The following NSD2 variants were observed in gnomAD, a reference collection of about 807,000 sequenced individuals.
NSD2 encodes histone-lysine N-methyltransferase NSD2.
NSD2 carries 12 observed loss-of-function variants against 139.0 expected under a neutral mutation model. That is an observed-to-expected ratio of 0.09 (90% CI 0.06 to 0.14). The LOEUF (loss-of-function observed/expected upper bound fraction) is 0.14. Among genes scored for constraint, NSD2 ranks in the 10% least tolerant of loss-of-function variants. The pLI, the probability that NSD2 is intolerant of heterozygous loss-of-function variation, is 1.00. For synonymous variants in NSD2, 669 were observed against 648.7 expected, an observed-to-expected ratio of 1.03 and a Z score of -0.48; for missense variants, 1,155 against 1,745.0, an observed-to-expected ratio of 0.66 and a Z score of 6.02.
intron 1 of NSD2, among the ~76,000 whole-genome samples, chr4:1,891,269 C>T (rs1715519230): frequency 6.6e-6 from 1 of 152,092 alleles, no homozygotes; most frequent in Non-Finnish European, 1.5e-5. Flanking sequence ...ATATTTCAGG[C>T]AGACTAGTGT....
At chr4:1,957,224 A>G (rs1468920920) in intron 15 of NSD2, among the ~76,000 whole-genome samples, 1 of 151,156 alleles carries the variant, frequency 6.6e-6, no homozygotes, top group Admixed American at 6.6e-5. Context: ...GCTTGAGCCT[A>G]TGGTTAATCT....
At chr4:1,970,903 C>G (rs1183198738) in intron 18 of NSD2, among the ~76,000 whole-genome samples, 1 of 152,170 alleles carries the variant, frequency 6.6e-6, no homozygotes, top group Admixed American at 6.5e-5. Context: ...GGCTGAAAGC[C>G]CATAGAAACA....
Position 1,950,793 on chromosome 4 carries a change from C to G in NSD2, c.1882-279C>G, listed in dbSNP as rs531123092. Among the ~76,000 whole-genome samples, 13 of 152,320 alleles carry G rather than the reference C, an allele frequency of 8.5e-5. No homozygotes were observed. The East Asian group carries it at 2.5e-3, about 29-fold the overall frequency. ...AGCAAATTGGATGTTCATAACACTT[C>G]CTTCATTTTAAGGAATATGCCTCTT... On this transcript the variant is annotated intron_variant, in intron 9 of 21. Transcript: ENST00000508803.
At chr4:1,904,503 A>C in intron 3 of NSD2, 125 bp downstream of exon 3, 1 of 1,021,982 alleles carries the variant, frequency 9.8e-7, no homozygotes, top group Non-Finnish European at 1.4e-6. Context: ...CTTTACCTAA[A>C]GTTAGTGATT....
intron 7 of NSD2, 52 bp from the exon 8 acceptor site, chr4:1,938,399 T>A: frequency 7.8e-7 from 1 of 1,284,324 alleles, no homozygotes. Context: ...TTTTTTTCTT[T>A]TCTTTTTTTT....
At chr4:1,951,962 C>T (rs1161483904) in intron 10 of NSD2, 146 bp from the exon 11 acceptor site, 12 of 1,279,372 alleles carry the variant, frequency 9.4e-6, no homozygotes, top group South Asian at 4.7e-5. Flanking sequence ...TTGGGCCAGA[C>T]GTTTGCCCAT....
Position 1,948,558 on chromosome 4 carries a change from G to A in NSD2, c.1882-2514G>A, listed in dbSNP as rs1723880723. On this transcript the variant is annotated intron_variant, in intron 9 of 21. Transcript: ENST00000508803. This position sits in a 1 kb window ranked among gnomAD's most constrained non-coding sequence, Gnocchi z 4.5. ...GTCTGTCCGGTGGCTGGGAGGGGGT[G>A]TGGTGGGAAAAAGTCGGAATCTCTG... The A allele has an allele frequency of 4.7e-6, 5 of 1,064,458 alleles. No individual in the cohort carries two copies. Among genetic ancestry groups the A allele is most frequent in the Non-Finnish European group, 5.7e-6 (5 of 877,836 alleles). 65.9% of individuals were successfully genotyped at this position (1,064,458 alleles called of 1,614,324 possible).
At chr4:1,969,810 T>G (rs911122741) in intron 18 of NSD2, among the ~76,000 whole-genome samples, 3 of 152,202 alleles carry the variant, frequency 2.0e-5, no homozygotes, top group Non-Finnish European at 4.4e-5. Flanking sequence ...AAAGTTATAC[T>G]CTAATATTCA....
chr4:1,925,616 C>T (rs1720793338), intron 5 of NSD2, among the ~76,000 whole-genome samples: 1 of 151,386 alleles, frequency 6.6e-6, no homozygotes, highest in African/African-American at 2.4e-5. Flanking sequence ...CCAGGCTGGT[C>T]TTGAACTCCT....
chr4:1,919,761 G>A (rs575479147), intron 5 of NSD2, among the ~76,000 whole-genome samples: 35 of 151,886 alleles, frequency 2.3e-4, no homozygotes, highest in African/African-American at 3.4e-4. Flanking sequence ...ATGAAACCCC[G>A]TCTCTACTAA....
intron 9 of NSD2, chr4:1,944,863 C>T (rs1723456944): frequency 9.4e-7 from 1 of 1,063,364 alleles, no homozygotes; most frequent in Non-Finnish European, 1.1e-6. Context: ...AGTTACATCT[C>T]AGTGCTGTCT....
chr4:1,945,690 G>A, intron 9 of NSD2: 1 of 1,063,406 alleles, frequency 9.4e-7, no homozygotes, highest in Non-Finnish European at 1.1e-6. Flanking sequence ...AAAGTCCTTG[G>A]CTCGTTTGAT....
intron 1 of NSD2, chr4:1,899,507 A>G (rs966990340): frequency 5.9e-5 from 9 of 152,264 alleles, no homozygotes; most frequent in African/African-American, 2.2e-4. Flanking sequence ...GTCCACGGGC[A>G]TCTCTGGTCC....
intron 7 of NSD2, among the ~76,000 whole-genome samples, chr4:1,936,867 T>C (rs1396173807): frequency 6.6e-6 from 1 of 152,128 alleles, no homozygotes; most frequent in Admixed American, 6.5e-5. Context: ...CTTGTATTTG[T>C]AGTTGAGAGG....
chr4:1,978,572 A>G (rs1727379414), intron 21 of NSD2, 66 bp from the exon 22 acceptor site: 1 of 1,544,794 alleles, frequency 6.5e-7, no homozygotes, highest in African/African-American at 1.4e-5. Context: ...GTCATCTTCA[A>G]CCACGATAAT....
chr4:1,935,506 CAG>C (rs1480904453), intron 7 of NSD2, among the ~76,000 whole-genome samples: 1 of 152,206 alleles, frequency 6.6e-6, no homozygotes, highest in Admixed American at 6.5e-5. Flanking sequence ...TGCAAGAAAA[CAG>C]ACATCCAAAT....
rs765286171 is a variant in NSD2, at chr4:1,975,630, C to T, written c.3621+230C>T. On this transcript the variant is annotated intron_variant, in intron 20 of 21. Coordinates refer to ENST00000508803, the MANE Select transcript of NSD2 (RefSeq NM_001042424.3). ...GGCTGCCAGAACAATGCCTCACAGA[C>T]GCGTGGTTTCGCAGTTCTGGGTGTG... 175 of 512,000 alleles carry T rather than the reference C, an allele frequency of 3.4e-4. 1 individual carries two copies. The highest frequency in any genetic ancestry group is 4.7e-4 in the Admixed American group (14 of 29,882). The allele number at this position is 512,000 out of a possible 1,614,324, so 31.7% of individuals were successfully genotyped here.
intron 1 of NSD2, among the ~76,000 whole-genome samples, chr4:1,877,530 C>T (rs1714349211): frequency 6.6e-6 from 1 of 152,206 alleles, no homozygotes; most frequent in South Asian, 2.1e-4. Flanking sequence ...CCATGTGCCC[C>T]CTTACCCCAT....
intron 9 of NSD2, chr4:1,947,144 G>T: frequency 9.4e-7 from 1 of 1,064,808 alleles, no homozygotes. Context: ...CCTGCTGTCT[G>T]CAGTCGGCCA....
Sources: gnomAD v4.1 joint callset for allele counts (sites outside exome capture counted in the v4.1 genomes callset) on GRCh38, gnomAD v4.1.1 for gene constraint, Gnocchi (gnomAD v3.1) non-coding constraint, MANE v1.5 for transcripts, NCBI Gene and HGNC (gene_info 2026-07-23, HGNC 2026-07-21) for gene names.